Variants in CDH18 observed in about 807,000 individuals in gnomAD.
CDH18 encodes cadherin 18.
CDH18 carries 31 observed loss-of-function variants against 67.9 expected under a neutral mutation model. The ratio of observed to expected loss-of-function variants is 0.46; its 90% CI spans 0.34 to 0.62. The LOEUF (loss-of-function observed/expected upper bound fraction) is 0.62, where lower values mean the gene tolerates loss of function less well. CDH18 is among the 20% of genes least tolerant of loss of function. CDH18 has a pLI of 0.01. For synonymous variants in CDH18, 362 were observed against 347.2 expected (o/e 1.04, Z -0.48); for missense variants, 890 against 975.5 (o/e 0.91, Z 1.17).
At chr5:20,295,689 T>C (rs1747437611) in intron 1 of CDH18, among the ~76,000 whole-genome samples, 1 of 151,192 alleles carries the variant, frequency 6.6e-6, no homozygotes, top group South Asian at 2.1e-4. Context: ...GTTGTGCCAC[T>C]GCACTCTAGC....
chr5:20,243,213 T>A (rs559050316), intron 2 of CDH18, among the ~76,000 whole-genome samples: 1 of 152,152 alleles, frequency 6.6e-6, no homozygotes, highest in Admixed American at 6.6e-5. Context: ...GAGTTGTCCA[T>A]AGGCTGTGCC....
intron 2 of CDH18, among the ~76,000 whole-genome samples, chr5:20,098,916 G>C (rs1278270626): frequency 6.6e-6 from 1 of 151,934 alleles, no homozygotes; most frequent in African/African-American, 2.4e-5. Context: ...AATCTTTTTT[G>C]ATTCTAAAAT....
Position 19,591,210 on chromosome 5 carries a change from T to G in CDH18, c.846A>C (p.Gln282His). Residue 282 changes from glutamine to histidine, a missense_variant, in exon 7 of 13, where the codon CAA becomes CAC. Gln to His is a conservative substitution (Grantham distance 24, BLOSUM62 0). Transcript: ENST00000382275. ...HYQLYVPESA[Q>H]VGSAVGKIKA... Reference sequence around the variant, plus strand: ...TGATTTTCCCAACAGCTGAACCAACTTGAGCTGACTCAGGAACATATAGCT... The same window carrying G: ...TGATTTTCCCAACAGCTGAACCAACGTGAGCTGACTCAGGAACATATAGCT... The G allele has an allele frequency of 6.2e-7, 1 of 1,612,246 alleles. No homozygotes were observed.
At chr5:19,960,091 A>G (rs1383595950) in intron 2 of CDH18, among the ~76,000 whole-genome samples, 2 of 152,092 alleles carry the variant, frequency 1.3e-5, no homozygotes, top group African/African-American at 4.8e-5. Context: ...ACACTACTGT[A>G]GTCTTTATAA....
chr5:19,885,398 A>T (rs962055163), intron 2 of CDH18, among the ~76,000 whole-genome samples: 16 of 152,228 alleles, frequency 1.1e-4, no homozygotes, highest in Admixed American at 3.9e-4. Flanking sequence ...ATGTCTAAAA[A>T]GGGACAGTAA....
At chr5:20,515,970 G>A (rs898625123) in intron 1 of CDH18, among the ~76,000 whole-genome samples, 8 of 151,966 alleles carry the variant, frequency 5.3e-5, no homozygotes, top group Non-Finnish European at 8.8e-5. Context: ...GTCACCGGGT[G>A]ACTTTAACGA....
At chr5:20,135,046 G>T (rs1749585647) in intron 2 of CDH18, among the ~76,000 whole-genome samples, 1 of 152,098 alleles carries the variant, frequency 6.6e-6, no homozygotes, top group African/African-American at 2.4e-5. Flanking sequence ...TGAGAGAGAA[G>T]AAAGGTGAGA....
intron 2 of CDH18, among the ~76,000 whole-genome samples, chr5:19,863,092 G>A (rs760589155): frequency 2.0e-5 from 3 of 152,116 alleles, no homozygotes; most frequent in Non-Finnish European, 2.9e-5. Flanking sequence ...AAATTTAGTG[G>A]GCTCCAGGGA....
At chr5:20,264,698 T>C (rs1369178160) in intron 1 of CDH18, among the ~76,000 whole-genome samples, 1 of 152,070 alleles carries the variant, frequency 6.6e-6, no homozygotes, top group Admixed American at 6.6e-5. Flanking sequence ...TTATTAACAA[T>C]CAACTATTTT....
chr5:20,184,123 C>G (rs1737909718), intron 2 of CDH18, among the ~76,000 whole-genome samples: 1 of 151,924 alleles, frequency 6.6e-6, no homozygotes, highest in Non-Finnish European at 1.5e-5. Flanking sequence ...ATATTTTCAC[C>G]TGAGGAATGA....
intron 7 of CDH18, among the ~76,000 whole-genome samples, chr5:19,576,303 G>A (rs1463709112): frequency 6.6e-6 from 1 of 151,706 alleles, no homozygotes; most frequent in Non-Finnish European, 1.5e-5. Flanking sequence ...ATAGAATGAA[G>A]AGATAATACA....
At chr5:20,082,547 A>G (rs1409929529) in intron 2 of CDH18, among the ~76,000 whole-genome samples, 1 of 152,040 alleles carries the variant, frequency 6.6e-6, no homozygotes, top group Non-Finnish European at 1.5e-5. Flanking sequence ...TCAGTTCTTC[A>G]TTTTTGGTCC....
chr5:19,562,230 T>A (rs1436400106), intron 8 of CDH18, among the ~76,000 whole-genome samples: 5 of 152,174 alleles, frequency 3.3e-5, no homozygotes, highest in African/African-American at 1.2e-4. Context: ...AAAACATATT[T>A]ACTGGTTATT....
chr5:20,124,918 A>T (rs544931309), intron 2 of CDH18, among the ~76,000 whole-genome samples: 2,232 of 152,256 alleles, frequency 0.015, 55 homozygotes, highest in African/African-American at 0.051. Context: ...TAGATAAGGA[A>T]TTATATTTGT....
chr5:19,557,411 T>TA (rs1738635758), intron 8 of CDH18, among the ~76,000 whole-genome samples: 1 of 151,810 alleles, frequency 6.6e-6, no homozygotes, highest in African/African-American at 2.4e-5. Flanking sequence ...GACACAGGAC[T>TA]AATATACTTA....
At chr5:20,011,409 G>T (rs894382971) in intron 2 of CDH18, among the ~76,000 whole-genome samples, 2 of 152,114 alleles carry the variant, frequency 1.3e-5, no homozygotes, top group Non-Finnish European at 2.9e-5. Context: ...AACAGGGATA[G>T]TTTGACTTCC....
At chr5:20,340,783 C>G (rs145554833) in intron 1 of CDH18, among the ~76,000 whole-genome samples, 35 of 152,246 alleles carry the variant, frequency 2.3e-4, no homozygotes, top group African/African-American at 8.4e-4. Context: ...CCTTCCTCCT[C>G]CTGTAGCATG....
intron 2 of CDH18, among the ~76,000 whole-genome samples, chr5:20,243,603 C>A (rs915848801): frequency 9.2e-5 from 14 of 152,072 alleles, no homozygotes; most frequent in Admixed American, 7.9e-4. Flanking sequence ...TCTTTGTCTC[C>A]AAAATGTATG....
chr5:19,638,618 A>C (rs1396774185), intron 5 of CDH18, among the ~76,000 whole-genome samples: 1 of 151,570 alleles, frequency 6.6e-6, no homozygotes, highest in East Asian at 1.9e-4. Flanking sequence ...AGGTGGTATC[A>C]GCAAGTGGAA....
Sources: gnomAD v4.1 joint callset for allele counts (sites outside exome capture counted in the v4.1 genomes callset) on GRCh38, gnomAD v4.1.1 for gene constraint, MANE v1.5 for transcripts, NCBI Gene and HGNC (gene_info 2026-07-23, HGNC 2026-07-21) for gene names.